ANKS1B: variants seen among roughly 807,000 people sequenced by gnomAD.
ANKS1B encodes the protein ankyrin repeat and sterile alpha motif domain containing 1B.
ANKS1B carries 36 observed loss-of-function variants against 148.3 expected under a neutral mutation model. That is an observed-to-expected ratio of 0.24 (90% CI 0.19 to 0.32). The LOEUF (loss-of-function observed/expected upper bound fraction) is 0.32, where lower values mean the gene tolerates loss of function less well. Among genes scored for constraint, ANKS1B ranks in the 10% least tolerant of loss-of-function variants. The pLI is 1.00. For synonymous variants in ANKS1B, 542 were observed against 560.8 expected (o/e 0.97, Z 0.47); for missense variants, 1,157 against 1,542.6 (o/e 0.75, Z 4.19).
At chr12:98,890,998 T>C (rs2099751496) in intron 17 of ANKS1B, among the ~76,000 whole-genome samples, 1 of 152,246 alleles carries the variant, frequency 6.6e-6, no homozygotes, top group Non-Finnish European at 1.5e-5. Flanking sequence ...ATGTAGTCCC[T>C]GATTTCCCAG....
intron 9 of ANKS1B, among the ~76,000 whole-genome samples, chr12:99,519,757 C>A (rs190055958): frequency 1.8e-4 from 27 of 152,138 alleles, no homozygotes; most frequent in Admixed American, 1.4e-3. Flanking sequence ...TCTTTTCTCC[C>A]TTTTAGTGAA....
At chr12:99,444,053 C>A (rs1195952625) in intron 10 of ANKS1B, among the ~76,000 whole-genome samples, 1 of 151,900 alleles carries the variant, frequency 6.6e-6, no homozygotes, top group African/African-American at 2.4e-5. Context: ...TATTATTATT[C>A]AATTCATAAT....
At chr12:98,926,450 A>T (rs1322099281) in intron 17 of ANKS1B, among the ~76,000 whole-genome samples, 1 of 152,182 alleles carries the variant, frequency 6.6e-6, no homozygotes, top group Non-Finnish European at 1.5e-5. Flanking sequence ...GCCACACTAT[A>T]TTCCTTAAAA....
chr12:98,917,243 C>T (rs977355790), intron 17 of ANKS1B, among the ~76,000 whole-genome samples: 12 of 152,138 alleles, frequency 7.9e-5, no homozygotes, highest in African/African-American at 2.7e-4. Context: ...ATATAGAGAG[C>T]GGTTAAGCAA....
At chr12:99,370,071 G>A (rs995727496) in intron 12 of ANKS1B, among the ~76,000 whole-genome samples, 2 of 140,158 alleles carry the variant, frequency 1.4e-5, no homozygotes, top group African/African-American at 5.5e-5. Context: ...TAAGTGTGTA[G>A]GAGATTAGTG....
chr12:99,419,809 C>T (rs762330141), intron 11 of ANKS1B, among the ~76,000 whole-genome samples: 1 of 152,082 alleles, frequency 6.6e-6, no homozygotes, highest in Non-Finnish European at 1.5e-5. Context: ...GTTAGCAATA[C>T]AGGCACACAC....
chr12:98,737,733 T>C (rs2097780486), intron 9 of ANKS1B, among the ~76,000 whole-genome samples: 1 of 152,226 alleles, frequency 6.6e-6, no homozygotes, highest in Non-Finnish European at 1.5e-5. Flanking sequence ...GTTTGGCCTT[T>C]TTCTGTGAAA....
At chr12:99,846,770 C>A (rs2086734650) in intron 1 of ANKS1B, among the ~76,000 whole-genome samples, 1 of 152,124 alleles carries the variant, frequency 6.6e-6, no homozygotes, top group Non-Finnish European at 1.5e-5. Flanking sequence ...TCATCCACCC[C>A]AGAGTTGCAA....
intron 1 of ANKS1B, among the ~76,000 whole-genome samples, chr12:99,831,329 AAT>A (rs1248544270): frequency 6.6e-6 from 1 of 152,088 alleles, no homozygotes; most frequent in Non-Finnish European, 1.5e-5. Context: ...CAGAGCTTAT[AAT>A]AAGCTGGTGG....
intron 12 of ANKS1B, among the ~76,000 whole-genome samples, chr12:99,325,217 G>A (rs532454911): frequency 6.6e-6 from 1 of 152,200 alleles, no homozygotes; most frequent in South Asian, 2.1e-4. Flanking sequence ...ATCTAGTTGA[G>A]TCTCTAAGAA....
chr12:99,322,149 A>T (rs1037034402), intron 12 of ANKS1B, among the ~76,000 whole-genome samples: 8 of 152,348 alleles, frequency 5.3e-5, no homozygotes, highest in African/African-American at 1.9e-4. Flanking sequence ...AATGTGGTAC[A>T]TATATACCAT....
intron 14 of ANKS1B, among the ~76,000 whole-genome samples, chr12:99,156,680 C>T (rs1422297476): frequency 6.6e-6 from 1 of 152,156 alleles, no homozygotes; most frequent in Non-Finnish European, 1.5e-5. Context: ...CATTATGAAA[C>T]CTCTTCTAAT....
chr12:99,781,387 T>C (rs2064311454), intron 5 of ANKS1B, among the ~76,000 whole-genome samples: 1 of 152,172 alleles, frequency 6.6e-6, no homozygotes, highest in African/African-American at 2.4e-5. Context: ...AAGCATGAAT[T>C]TGTACCCATG....
chr12:99,528,865 T>C (rs1203290599), intron 9 of ANKS1B, among the ~76,000 whole-genome samples: 1 of 152,188 alleles, frequency 6.6e-6, no homozygotes, highest in African/African-American at 2.4e-5. Context: ...GAAGATATTA[T>C]TAGAAACATT....
intron 14 of ANKS1B, among the ~76,000 whole-genome samples, chr12:99,213,442 C>CT (rs1393773029): frequency 6.6e-6 from 1 of 152,204 alleles, no homozygotes; most frequent in Non-Finnish European, 1.5e-5. Context: ...TCTAGCAGCA[C>CT]TGGGGAAGAG....
At chr12:98,867,135 A>G (rs1267756833) in intron 17 of ANKS1B, among the ~76,000 whole-genome samples, 2 of 152,218 alleles carry the variant, frequency 1.3e-5, no homozygotes, top group Non-Finnish European at 2.9e-5. Flanking sequence ...ATCTGTAACC[A>G]TGAGGCAGCC....
At chr12:99,893,299 C>T (rs538910959) in intron 1 of ANKS1B, among the ~76,000 whole-genome samples, 3 of 151,578 alleles carry the variant, frequency 2.0e-5, no homozygotes, top group Non-Finnish European at 4.4e-5. Flanking sequence ...TAGTCCCAGC[C>T]ACTCAGGAGG....
intron 9 of ANKS1B, among the ~76,000 whole-genome samples, chr12:99,640,608 T>C (rs2098293430): frequency 1.3e-5 from 2 of 152,180 alleles, no homozygotes; most frequent in Admixed American, 1.3e-4. Flanking sequence ...GATATTAGAC[T>C]TCCCAGCCTT....
chr12:99,669,021 C>T (rs2098523721), intron 8 of ANKS1B, among the ~76,000 whole-genome samples: 1 of 152,074 alleles, frequency 6.6e-6, no homozygotes, highest in African/African-American at 2.4e-5. Flanking sequence ...TTCATGTCAC[C>T]TCTTCCTTTA....
Sources: allele counts gnomAD v4.1 joint callset (sites outside exome capture counted in the v4.1 genomes callset), GRCh38; gene constraint gnomAD v4.1.1; transcripts MANE v1.5; gene names NCBI Gene and HGNC (gene_info 2026-07-23, HGNC 2026-07-21).